Variants in SCHIP1 observed in about 807,000 individuals in gnomAD.
The protein encoded by SCHIP1 is schwannomin-interacting protein 1.
Under a neutral mutation model 29.7 loss-of-function variants are expected in SCHIP1, and 8 were observed. The observed-to-expected ratio is 0.27, with a 90% confidence interval of 0.16 to 0.49. SCHIP1 has a LOEUF of 0.49. SCHIP1 is among the 20% of genes least tolerant of loss of function. The probability of loss-of-function intolerance (pLI) is 0.99; values close to 1 mark genes in which losing one functional copy is unlikely to be tolerated. For synonymous variants in SCHIP1, 76 were observed against 94.9 expected, an observed-to-expected ratio of 0.80 and a Z score of 1.16; for missense variants, 193 against 294.6, an observed-to-expected ratio of 0.66 and a Z score of 2.52.
chr3:159,792,444 G>A, the SCHIP1 span, among the ~76,000 whole-genome samples: 7 of 152,226 alleles, frequency 4.6e-5, no homozygotes, highest in Admixed American at 3.3e-4. Flanking sequence ...CTTGACAATT[G>A]TCTGGAACAT....
At chr3:159,875,123 A>G (rs1310536167) in intron 2 of SCHIP1, among the ~76,000 whole-genome samples, 1 of 152,198 alleles carries the variant, frequency 6.6e-6, no homozygotes, top group Non-Finnish European at 1.5e-5. Context: ...CAAGATTTGA[A>G]GTAGATCTTT....
At chr3:159,790,848 G>T in the SCHIP1 span, among the ~76,000 whole-genome samples, 4 of 152,056 alleles carry the variant, frequency 2.6e-5, no homozygotes, top group African/African-American at 7.2e-5. Flanking sequence ...GCTATTTTAA[G>T]ATTTTTACAT....
the SCHIP1 span, among the ~76,000 whole-genome samples, chr3:159,502,999 A>G: frequency 5.9e-5 from 9 of 152,228 alleles, no homozygotes; most frequent in African/African-American, 2.2e-4. Context: ...CCCGCCAATC[A>G]GATAAGTGAT....
chr3:159,849,247 CAT>C (rs1461756105), intron 1 of SCHIP1, among the ~76,000 whole-genome samples: 1 of 151,948 alleles, frequency 6.6e-6, no homozygotes, highest in African/African-American at 2.4e-5. Flanking sequence ...TACTAGTACA[CAT>C]ATATTAATCT....
At chr3:159,302,422 T>G in the SCHIP1 span, among the ~76,000 whole-genome samples, 3 of 152,228 alleles carry the variant, frequency 2.0e-5, no homozygotes, top group Admixed American at 1.3e-4. Flanking sequence ...TTGGACAAGA[T>G]TTTTTAAAAG....
At chr3:159,416,211 T>C in the SCHIP1 span, among the ~76,000 whole-genome samples, 8 of 152,220 alleles carry the variant, frequency 5.3e-5, no homozygotes, top group Admixed American at 2.0e-4. Flanking sequence ...TTCACAAAGC[T>C]CGTGCTTTCT....
At chr3:159,346,039 C>A in the SCHIP1 span, among the ~76,000 whole-genome samples, 4 of 151,730 alleles carry the variant, frequency 2.6e-5, no homozygotes, top group Non-Finnish European at 5.9e-5. Context: ...ACTAAAAATA[C>A]AAAAATTAGC....
At chr3:159,320,167 T>C in the SCHIP1 span, among the ~76,000 whole-genome samples, 1 of 152,256 alleles carries the variant, frequency 6.6e-6, no homozygotes, top group Non-Finnish European at 1.5e-5. Context: ...ATAACTAATT[T>C]ACATTATAAA....
At chr3:159,371,843 G>C in the SCHIP1 span, among the ~76,000 whole-genome samples, 1 of 152,100 alleles carries the variant, frequency 6.6e-6, no homozygotes, top group African/African-American at 2.4e-5. Flanking sequence ...GTCTGTACAT[G>C]TTCCATACAG....
intron 4 of SCHIP1, chr3:159,888,374 A>G (rs1717161994): frequency 9.7e-6 from 2 of 205,614 alleles, no homozygotes; most frequent in Non-Finnish European, 2.0e-5. Context: ...CAGTTTTCTC[A>G]TCTATAAAAT....
chr3:159,651,131 ATTTT>A, the SCHIP1 span, among the ~76,000 whole-genome samples: 1 of 152,196 alleles, frequency 6.6e-6, no homozygotes, highest in African/African-American at 2.4e-5. Context: ...ATTTGCTATC[ATTTT>A]ATTATTACTT....
At chr3:159,834,143 G>A in the SCHIP1 span, among the ~76,000 whole-genome samples, 1 of 152,176 alleles carries the variant, frequency 6.6e-6, no homozygotes, top group Admixed American at 6.5e-5. Flanking sequence ...AGGGTCATAT[G>A]CATTTATTCA....
the SCHIP1 span, among the ~76,000 whole-genome samples, chr3:159,410,658 C>G: frequency 1.3e-5 from 2 of 152,036 alleles, no homozygotes; most frequent in African/African-American, 4.8e-5. Flanking sequence ...AAAAAAGAAT[C>G]CTTGTACACT....
At chr3:159,406,294 A>G in the SCHIP1 span, among the ~76,000 whole-genome samples, 1 of 152,198 alleles carries the variant, frequency 6.6e-6, no homozygotes, top group Non-Finnish European at 1.5e-5. Flanking sequence ...GAAACCTTAC[A>G]GGGCAGGAGA....
chr3:159,345,151 C>T, the SCHIP1 span, among the ~76,000 whole-genome samples: 17 of 146,742 alleles, frequency 1.2e-4, no homozygotes, highest in South Asian at 2.1e-4. Flanking sequence ...TGCTTGAACT[C>T]GGGAGGGAGA....
the SCHIP1 span, among the ~76,000 whole-genome samples, chr3:159,383,734 C>T: frequency 6.9e-6 from 1 of 144,282 alleles, no homozygotes; most frequent in African/African-American, 2.5e-5. Flanking sequence ...TTCTTCCTAC[C>T]CATGAGCATG....
At chr3:159,657,237 T>C in the SCHIP1 span, among the ~76,000 whole-genome samples, 1,990 of 152,330 alleles carry the variant, frequency 0.013, 50 homozygotes, top group African/African-American at 0.046. Flanking sequence ...TAACAAATGA[T>C]GTGAGACACA....
At chr3:159,369,597 C>T in the SCHIP1 span, among the ~76,000 whole-genome samples, 4 of 152,080 alleles carry the variant, frequency 2.6e-5, no homozygotes, top group African/African-American at 9.7e-5. Flanking sequence ...TGCCATATAG[C>T]TTTTAAATTC....
chr3:159,572,109 T>A, the SCHIP1 span, among the ~76,000 whole-genome samples: 1,233 of 152,300 alleles, frequency 8.1e-3, 11 homozygotes, highest in African/African-American at 0.028. Context: ...AGGGTTTTTT[T>A]ATGTCTCTGT....
Sources: allele counts gnomAD v4.1 joint callset (sites outside exome capture counted in the v4.1 genomes callset), GRCh38; gene constraint gnomAD v4.1.1; transcripts MANE v1.5; gene names NCBI Gene and HGNC (gene_info 2026-07-23, HGNC 2026-07-21).